Variants in INTU observed in about 807,000 individuals in gnomAD.
INTU encodes inturned planar cell polarity protein.
Under a neutral mutation model 100.5 loss-of-function variants are expected in INTU, and 68 were observed. The observed-to-expected ratio is 0.68, with a 90% CI of 0.56 to 0.83. The LOEUF (loss-of-function observed/expected upper bound fraction) is 0.83. INTU is among the 40% of genes least tolerant of loss of function. The probability of loss-of-function intolerance (pLI) is 0.00; values close to 1 mark genes in which losing one functional copy is unlikely to be tolerated. For missense variants in INTU, 1,071 were observed against 1,114.7 expected, an observed-to-expected ratio of 0.96 and a Z score of 0.56; for synonymous variants, 357 against 395.7, an observed-to-expected ratio of 0.90 and a Z score of 1.16.
chr4:127,635,359 G>C (rs1442768266), intron 1 of INTU, among the ~76,000 whole-genome samples: 1 of 152,028 alleles, frequency 6.6e-6, no homozygotes, highest in Non-Finnish European at 1.5e-5. Context: ...GGAGCCATTA[G>C]CTAGTTTTAG....
chr4:127,640,596 T>TATATATATATAC (rs1560825830), intron 1 of INTU, among the ~76,000 whole-genome samples: 2 of 39,838 alleles, frequency 5.0e-5, no homozygotes, highest in Non-Finnish European at 6.9e-5. Context: ...TATATACATA[T>TATATATATATAC]ACATAAACAC....
intron 7 of INTU, 64 bp downstream of exon 7, chr4:127,684,550 T>A: frequency 1.1e-6 from 1 of 937,076 alleles, no homozygotes; most frequent in Non-Finnish European, 1.6e-6. Flanking sequence ...TCTTCTGCAT[T>A]TAAGACCATT....
At chr4:127,652,372 C>G (rs1200608962) in intron 2 of INTU, among the ~76,000 whole-genome samples, 1 of 150,318 alleles carries the variant, frequency 6.7e-6, no homozygotes, top group Non-Finnish European at 1.5e-5. Context: ...ATAGATAGCT[C>G]TTATTATTTT....
At chr4:127,692,240 C>A (rs887454249) in intron 8 of INTU, among the ~76,000 whole-genome samples, 1 of 151,640 alleles carries the variant, frequency 6.6e-6, no homozygotes, top group African/African-American at 2.4e-5. Flanking sequence ...TCCCTTTTTG[C>A]CCCATCCACA....
chr4:127,676,360 C>A (rs530244870), intron 6 of INTU, among the ~76,000 whole-genome samples: 6 of 151,996 alleles, frequency 3.9e-5, no homozygotes, highest in African/African-American at 1.5e-4. Context: ...CCAAGGCTGG[C>A]GGATTGCTTG....
At chr4:127,661,637 A>C (rs959881172) in intron 3 of INTU, among the ~76,000 whole-genome samples, 3 of 152,124 alleles carry the variant, frequency 2.0e-5, no homozygotes, top group African/African-American at 4.8e-5. Flanking sequence ...GCCCAATGCC[A>C]GGGGACAATC....
chr4:127,644,131 A>T, intron 2 of INTU, 75 bp downstream of exon 2: 1 of 1,435,256 alleles, frequency 7.0e-7, no homozygotes, highest in Non-Finnish European at 9.5e-7. Context: ...GGGAAATGTG[A>T]TAAAAACAAT....
chr4:127,650,208 G>GTT (rs1727779737), intron 2 of INTU, among the ~76,000 whole-genome samples: 1 of 151,840 alleles, frequency 6.6e-6, no homozygotes, highest in African/African-American at 2.4e-5. Flanking sequence ...TTTTTGTTTT[G>GTT]TTTTGTTTTA....
chr4:127,639,523 G>C (rs1727218228), intron 1 of INTU, among the ~76,000 whole-genome samples: 1 of 151,988 alleles, frequency 6.6e-6, no homozygotes. Flanking sequence ...TGTTGTTGTT[G>C]TTAACACATC....
intron 3 of INTU, among the ~76,000 whole-genome samples, chr4:127,657,458 CCCA>C (rs1728285963): frequency 6.6e-6 from 1 of 151,906 alleles, no homozygotes; most frequent in Non-Finnish European, 1.5e-5. Context: ...AGCAGGGGTC[CCCA>C]AACCCTGGGC....
chr4:127,708,902 C>T (rs905480088), intron 13 of INTU, among the ~76,000 whole-genome samples: 3 of 152,148 alleles, frequency 2.0e-5, no homozygotes, highest in Non-Finnish European at 4.4e-5. Flanking sequence ...GAAAGTCTCC[C>T]TTTATCTCTC....
In INTU at chr4:127,676,457, G is replaced by T. The variant is rs1729187535; in HGVS notation, c.1181+2244G>T. On this transcript the variant is annotated intron_variant, in intron 6 of 15. Transcript: ENST00000335251. ...AAAAATTAGCCAGGCACAGTGGCAT[G>T]CACCTGTAGTTCCAGCTACTTGGGA... 2.0e-5 allele frequency among the ~76,000 whole-genome samples: 3 copies of T among 152,034 alleles called. No individual in the cohort carries two copies. The South Asian group carries it at 6.2e-4, about 32-fold the overall frequency.
At chr4:127,646,055 A>C (rs767952517) in intron 2 of INTU, among the ~76,000 whole-genome samples, 1 of 151,922 alleles carries the variant, frequency 6.6e-6, no homozygotes, top group Non-Finnish European at 1.5e-5. Context: ...CTTGTGGTGC[A>C]TGCCTGTAAT....
chr4:127,671,308 A>G (rs1431987925), intron 5 of INTU, among the ~76,000 whole-genome samples: 2 of 152,146 alleles, frequency 1.3e-5, no homozygotes, highest in African/African-American at 4.8e-5. Context: ...GGCAAAGGAC[A>G]TGAACAGACA....
At position 127,669,171 on chromosome 4, in the gene INTU, A is replaced by T; in HGVS notation, c.1091+17A>T. On this transcript the variant is annotated intron_variant, in intron 5 of 15. Transcript: ENST00000335251. ...AGTTACTAGGTAATAATTTTTATTT[A>T]GCTTTAATTCTGTTTTTTTCAAGTT... The T allele has an allele frequency of 8.3e-7, 1 of 1,211,136 alleles. No individual in the cohort carries two copies. Among genetic ancestry groups the T allele is most frequent in the Non-Finnish European group, 1.2e-6 (1 of 840,522 alleles). 75.0% of individuals were successfully genotyped at this position (1,211,136 alleles called of 1,614,324 possible). A position where few individuals can be genotyped will look rare whatever the true frequency, so the allele number is the denominator to read the frequency against.
chr4:127,685,077 C>T (rs369839373), intron 7 of INTU, among the ~76,000 whole-genome samples: 31 of 152,032 alleles, frequency 2.0e-4, no homozygotes, highest in Admixed American at 3.3e-4. Flanking sequence ...ACAGTAGAGA[C>T]GGTATTGACT....
rs1259149434 is a variant in INTU at position 127,678,864 on chromosome 4, G to A, written c.1181+4651G>A. ...GCTGTATTCAGGAAACCCATCTCAC[G>A]TGCAGAGACACACATAGGCTCAAAA... is the stretch of plus-strand genomic sequence containing the variant. On this transcript the variant is annotated intron_variant, in intron 6 of 15. Transcript: ENST00000335251. 8.3e-4 allele frequency among the ~76,000 whole-genome samples: 126 copies of A among 151,668 alleles called. 1 individual carries two copies. Among genetic ancestry groups the A allele is most frequent in the African/African-American group, 2.8e-3 (117 of 41,404 alleles).
At chr4:127,641,721 G>A (rs1727343162) in intron 1 of INTU, among the ~76,000 whole-genome samples, 1 of 152,106 alleles carries the variant, frequency 6.6e-6, no homozygotes, top group Non-Finnish European at 1.5e-5. Flanking sequence ...CTAAGCAAGG[G>A]CGGGAACTGA....
chr4:127,694,243 C>T (rs762262928), intron 8 of INTU, among the ~76,000 whole-genome samples: 13 of 151,514 alleles, frequency 8.6e-5, no homozygotes, highest in Admixed American at 4.0e-4. Context: ...ATTTCAATCT[C>T]GCTACTTGTT....
Sources: allele counts gnomAD v4.1 joint callset (sites outside exome capture counted in the v4.1 genomes callset), GRCh38; gene constraint gnomAD v4.1.1; transcripts MANE v1.5; gene names NCBI Gene and HGNC (gene_info 2026-07-23, HGNC 2026-07-21).